The following TMC5 variants were observed in gnomAD, a reference collection of about 807,000 sequenced individuals.
TMC5 encodes the protein transmembrane channel-like protein 5.
TMC5 carries 86 observed loss-of-function variants against 110.5 expected under a neutral mutation model. That is an observed-to-expected ratio of 0.78 (90% CI 0.65 to 0.93). TMC5 has a LOEUF of 0.93. Ranked by LOEUF, TMC5 falls within the 40% of genes least tolerant of loss-of-function variation. The probability of loss-of-function intolerance (pLI) is 0.00; values close to 1 mark genes in which losing one functional copy is unlikely to be tolerated. For synonymous variants in TMC5, 455 were observed against 439.5 expected (o/e 1.04, Z -0.44); for missense variants, 1,144 against 1,222.8 (o/e 0.94, Z 0.96).
chr16:19,447,020 TAAC>T (rs59897298), intron 4 of TMC5, among the ~76,000 whole-genome samples: 117 of 151,838 alleles, frequency 7.7e-4, no homozygotes, highest in East Asian at 3.9e-3. Flanking sequence ...ACTGAGTTAA[TAAC>T]AACAACAACA....
intron 15 of TMC5, among the ~76,000 whole-genome samples, chr16:19,484,032 A>T (rs1224404839): frequency 6.6e-6 from 1 of 151,270 alleles, no homozygotes; most frequent in Non-Finnish European, 1.5e-5. Flanking sequence ...CAGTGAACAG[A>T]GATCACGCCA....
intron 2 of TMC5, among the ~76,000 whole-genome samples, chr16:19,431,217 T>C (rs548657730): frequency 1.8e-3 from 278 of 151,746 alleles, no homozygotes; most frequent in Non-Finnish European, 3.0e-3. Flanking sequence ...TAATCATGGG[T>C]TTTCATGACA....
At chr16:19,413,324 GA>G (rs1411769252), upstream of TMC5, among the ~76,000 whole-genome samples, 1 of 151,874 alleles carries the variant, frequency 6.6e-6, no homozygotes, top group Non-Finnish European at 1.5e-5. Flanking sequence ...AGGAGTTCCA[GA>G]CCAGCCCAGA....
intron 21 of TMC5, among the ~76,000 whole-genome samples, chr16:19,497,627 G>A (rs1449637440): frequency 6.6e-6 from 1 of 152,206 alleles, no homozygotes; most frequent in Non-Finnish European, 1.5e-5. Context: ...CAACCATGAA[G>A]ACCATAGGGA....
At chr16:19,470,721 TAAAAAAAAA>T (rs60087070) in intron 10 of TMC5, among the ~76,000 whole-genome samples, 5 of 41,306 alleles carry the variant, frequency 1.2e-4, no homozygotes, top group South Asian at 1.4e-3. Context: ...ACAAACTTAT[TAAAAAAAAA>T]AAAAAAAAAA....
Position 19,445,781 on chromosome 16 carries a change from G to A in TMC5, c.958+1531G>A, listed in dbSNP as rs192832424. Reference sequence around the variant, plus strand: ...CAGGTCTGGAAGAAGGCAGAGAGGAGGGGACAGGATGCATAGCCATGTACT... The same window carrying A: ...CAGGTCTGGAAGAAGGCAGAGAGGAAGGGACAGGATGCATAGCCATGTACT... On this transcript the variant is annotated intron_variant, in intron 4 of 21. Transcript: ENST00000542583. Among the ~76,000 whole-genome samples, 4 of 152,170 alleles carry A rather than the reference G, an allele frequency of 2.6e-5. No individual in the cohort carries two copies. In the East Asian group the frequency reaches 7.7e-4, roughly 29 times the overall value.
intron 10 of TMC5, among the ~76,000 whole-genome samples, chr16:19,471,756 G>T (rs1382936604): frequency 2.0e-5 from 3 of 151,874 alleles, no homozygotes; most frequent in Non-Finnish European, 4.4e-5. Flanking sequence ...TTATTTATTT[G>T]TTTATTTATT....
chr16:19,490,274 G>A (rs369202750), intron 17 of TMC5, 121 bp from the exon 18 acceptor site: 19 of 961,856 alleles, frequency 2.0e-5, no homozygotes, highest in Admixed American at 1.1e-4. Context: ...GGAAGTGGGT[G>A]TGATTGGATC....
intron 3 of TMC5, among the ~76,000 whole-genome samples, chr16:19,442,934 C>T (rs1234052097): frequency 6.6e-6 from 1 of 152,190 alleles, no homozygotes; most frequent in Non-Finnish European, 1.5e-5. Flanking sequence ...GATCCTATCA[C>T]TCCTTTGCTT....
intron 2 of TMC5, among the ~76,000 whole-genome samples, chr16:19,437,901 C>G (rs971803636): frequency 6.6e-6 from 1 of 152,170 alleles, no homozygotes; most frequent in Non-Finnish European, 1.5e-5. Flanking sequence ...AAGCCTTGTC[C>G]TGGTCCTGGA....
intron 1 of TMC5, among the ~76,000 whole-genome samples, chr16:19,426,991 G>A (rs972360372): frequency 4.6e-5 from 7 of 152,090 alleles, no homozygotes; most frequent in African/African-American, 1.4e-4. Flanking sequence ...GACTGATGGG[G>A]TTTTAGCACA....
At chr16:19,492,301 A>AAG in intron 19 of TMC5, 73 bp downstream of exon 19, 3 of 1,057,190 alleles carry the variant, frequency 2.8e-6, no homozygotes, top group Non-Finnish European at 4.4e-6. Context: ...CTCCAAAATA[A>AAG]AGAGAATACT....
chr16:19,457,598 T>C (rs1967911598), intron 5 of TMC5, among the ~76,000 whole-genome samples: 1 of 151,676 alleles, frequency 6.6e-6, no homozygotes. Context: ...CTCCACACCT[T>C]TGAGGTGGCA....
intron 10 of TMC5, among the ~76,000 whole-genome samples, chr16:19,470,043 T>C (rs570847512): frequency 4.5e-4 from 69 of 151,686 alleles, no homozygotes; most frequent in African/African-American, 9.2e-4. Context: ...TACAGGCGCC[T>C]GCCACCATGC....
rs751921573 is a variant in TMC5 at position 19,444,084 on chromosome 16, G to A, written c.792G>A (p.Val264=). The change falls in exon 4 of 22, where the codon GTG becomes GTA. Residue 264 remains valine, a synonymous_variant. Transcript: ENST00000542583. ...GATCCATCATTTTGGATTTTAGGGT[G>A]CTCAGCAGAACATCTTCAATCCAGC... is the stretch of plus-strand genomic sequence containing the variant. ...SSETPKMTRG[V]LSRTSSIQPS... 2.0e-5 allele frequency: 33 copies of A among 1,613,450 alleles called. No homozygotes were observed. The East Asian group carries it at 2.7e-4, about 13-fold the overall frequency.
At chr16:19,454,868 A>G (rs1455519992) in intron 5 of TMC5, among the ~76,000 whole-genome samples, 3 of 152,150 alleles carry the variant, frequency 2.0e-5, no homozygotes, top group Admixed American at 1.3e-4. Flanking sequence ...GTTAGGTGCA[A>G]TGGTTCACAC....
intron 15 of TMC5, 75 bp from the exon 16 acceptor site, chr16:19,486,870 C>T: frequency 7.4e-7 from 1 of 1,343,846 alleles, no homozygotes; most frequent in Non-Finnish European, 1.1e-6. Flanking sequence ...TTTCTCTTCC[C>T]CCCAACCATC....
intron 1 of TMC5, among the ~76,000 whole-genome samples, chr16:19,412,342 G>C (rs1022591600): frequency 6.6e-6 from 1 of 150,796 alleles, no homozygotes; most frequent in Non-Finnish European, 1.5e-5. Context: ...AAAGTGCTGG[G>C]ATTACAGGCA....
chr16:19,414,490 T>C (rs1339318549), upstream of TMC5, among the ~76,000 whole-genome samples: 1 of 152,202 alleles, frequency 6.6e-6, no homozygotes, highest in Non-Finnish European at 1.5e-5. Flanking sequence ...CTGGGTGTAA[T>C]AATACAGATT....
Sources: allele counts gnomAD v4.1 joint callset (sites outside exome capture counted in the v4.1 genomes callset), GRCh38; gene constraint gnomAD v4.1.1; transcripts MANE v1.5; gene names NCBI Gene and HGNC (gene_info 2026-07-23, HGNC 2026-07-21).